Variants in C2orf15 observed in about 807,000 individuals in gnomAD.
The protein encoded by C2orf15 is chromosome 2 open reading frame 15, also known as uncharacterized protein C2orf15.
Under a neutral mutation model 4.4 loss-of-function variants are expected in C2orf15, and 3 were observed. The observed-to-expected ratio is 0.67, with a 90% confidence interval of 0.31 to 1.74. The LOEUF (loss-of-function observed/expected upper bound fraction) is 1.74, where lower values mean the gene tolerates loss of function less well. Ranked by LOEUF, C2orf15 falls within the 40% of genes most tolerant of loss-of-function variation. The pLI is 0.09. For missense variants in C2orf15, 90 were observed against 103.3 expected (o/e 0.87, Z 0.56); for synonymous variants, 37 against 36.8 (o/e 1.00, Z -0.02).
At position 99,150,845 on chromosome 2, in the gene C2orf15, AC is replaced by A. The variant is rs2093686840; in HGVS notation, c.*12del. ...ACAGATGTGGAATGAAGCAATTTGT[AC>A]GTATTACCAAAGAAACCAAAAACTG... On this transcript the variant is annotated 3_prime_UTR_variant, in exon 4 of 4. Transcript: ENST00000650052. 3.2e-6 allele frequency: 5 copies of A among 1,549,226 alleles called. No homozygotes were observed. The highest frequency in any genetic ancestry group is 4.4e-6 in the Non-Finnish European group (5 of 1,148,524).
intron 2 of C2orf15, among the ~76,000 whole-genome samples, chr2:99,145,386 T>C (rs755613575): frequency 2.0e-5 from 3 of 151,912 alleles, no homozygotes; most frequent in Non-Finnish European, 4.4e-5. Context: ...GGCAAAACCC[T>C]GTCTCTCCCC....
Position 99,144,964 on chromosome 2 carries a change from T to A in C2orf15, c.-168-2438T>A, listed in dbSNP as rs115261388. Among the ~76,000 whole-genome samples, 874 of 152,328 alleles carry A rather than the reference T, an allele frequency of 5.7e-3. 10 individuals are homozygous for A. Among genetic ancestry groups the A allele is most frequent in the African/African-American group, 0.02 (837 of 41,560 alleles). ...TGCTAGTAGAGTTGTTTGCTACGGCTGTGCAACAATTTACCACACACTTGG... is the reference window on the plus strand; with the variant it reads ...TGCTAGTAGAGTTGTTTGCTACGGCAGTGCAACAATTTACCACACACTTGG... On this transcript the variant is annotated intron_variant, in intron 2 of 3. Transcript: ENST00000650052.
rs1333333643 is a variant in C2orf15, at chr2:99,150,429, G to C, written c.-76-54G>C. 8 of 1,009,180 alleles carry C rather than the reference G, an allele frequency of 7.9e-6. No individual in the cohort carries two copies. In the East Asian group the frequency reaches 1.9e-4, roughly 24 times the overall value. The allele number at this position is 1,009,180 out of a possible 1,614,324, so 62.5% of individuals were successfully genotyped here. A position where few individuals can be genotyped will look rare whatever the true frequency, so the allele number is the denominator to read the frequency against. ...TTTTCATTCAAACAAACATTGCCAT[G>C]AAGTTAGGGAAATTCCTGCTGCATT... is the stretch of plus-strand genomic sequence containing the variant. On this transcript the variant is annotated intron_variant, in intron 3 of 3. Coordinates refer to ENST00000650052, the MANE Select transcript of C2orf15 (RefSeq NM_144706.4).
rs1047621120 is a variant in C2orf15 at position 99,151,169 on chromosome 2, A to G, written c.*335A>G. 3.4e-5 allele frequency: 6 copies of G among 175,798 alleles called. No individual in the cohort carries two copies. Among genetic ancestry groups the G allele is most frequent in the African/African-American group, 1.4e-4 (6 of 42,004 alleles). The allele number at this position is 175,798 out of a possible 1,614,324, so 10.9% of individuals were successfully genotyped here. ...ATTTCTTTAACAAGTGGTTAAAAAAAGTGTCCAAGCAGCCGGGCGCAGTGG... is the reference window on the plus strand; with the variant it reads ...ATTTCTTTAACAAGTGGTTAAAAAAGGTGTCCAAGCAGCCGGGCGCAGTGG... On this transcript the variant is annotated 3_prime_UTR_variant, in exon 4 of 4. Coordinates refer to ENST00000650052, the MANE Select transcript of C2orf15 (RefSeq NM_144706.4).
At chr2:99,145,064 A>G (rs2093618581) in intron 2 of C2orf15, among the ~76,000 whole-genome samples, 1 of 152,210 alleles carries the variant, frequency 6.6e-6, no homozygotes, top group Non-Finnish European at 1.5e-5. Context: ...TCACTGGGCT[A>G]AAATCAAGAT....
intron 3 of C2orf15, among the ~76,000 whole-genome samples, chr2:99,147,960 T>C (rs1457227716): frequency 1.3e-5 from 2 of 152,228 alleles, no homozygotes; most frequent in African/African-American, 4.8e-5. Context: ...CCAATATTAT[T>C]ATCTAATATT....
At chr2:99,149,835 C>T (rs1445489114) in intron 3 of C2orf15, among the ~76,000 whole-genome samples, 1 of 146,406 alleles carries the variant, frequency 6.8e-6, no homozygotes, top group Non-Finnish European at 1.5e-5. Context: ...TCTTGTCGCC[C>T]AGGCTGGAGT....
rs1041351438 is a variant in C2orf15, at chr2:99,148,992, TAAATAA to T, written c.-76-1473_-76-1468del. On this transcript the variant is annotated intron_variant, in intron 3 of 3. Coordinates refer to ENST00000650052, the MANE Select transcript of C2orf15 (RefSeq NM_144706.4). Reference sequence around the variant, plus strand: ...AATAAAATATAGACTGGAAAAAAAATAAATAAAAATAAAAATAAAAATACAAACATT... The same window carrying T: ...AATAAAATATAGACTGGAAAAAAAATAAATAAAAATAAAAATACAAACATT... 3.4e-4 allele frequency among the ~76,000 whole-genome samples: 51 copies of T among 151,316 alleles called. 1 individual carries two copies. The highest frequency in any genetic ancestry group is 2.2e-3 in the Admixed American group (33 of 15,194).
At position 99,148,513 on chromosome 2, in the gene C2orf15, T is replaced by C. The variant is rs143630727; in HGVS notation, c.-77+1020T>C. Among the ~76,000 whole-genome samples, 1,232 of 152,348 alleles carry C rather than the reference T, an allele frequency of 8.1e-3. 47 individuals carry two copies. Among genetic ancestry groups the C allele is most frequent in the Admixed American group, 0.072 (1,104 of 15,302 alleles). On this transcript the variant is annotated intron_variant, in intron 3 of 3. Transcript: ENST00000650052. ...TAGGCTACTACAGTAGACCCAGGAC[T>C]CTGTTTTGTTATAAACACTGATATT...
intron 2 of C2orf15, among the ~76,000 whole-genome samples, chr2:99,144,628 G>A (rs932415618): frequency 2.3e-4 from 14 of 60,862 alleles, no homozygotes; most frequent in Non-Finnish European, 4.6e-4. Context: ...CAGCCTGGGG[G>A]ACAAGAACAA....
intron 3 of C2orf15, among the ~76,000 whole-genome samples, chr2:99,147,853 A>T (rs371185052): frequency 1.1e-3 from 164 of 152,140 alleles, no homozygotes; most frequent in African/African-American, 3.8e-3. Context: ...ACAATTCTTC[A>T]CCCCTAACTA....
chr2:99,149,136 C>T (rs1198092203), intron 3 of C2orf15, among the ~76,000 whole-genome samples: 3 of 149,722 alleles, frequency 2.0e-5, no homozygotes, highest in Non-Finnish European at 4.4e-5. Context: ...CACCACTTCA[C>T]TCCAGCCTGG....
chr2:99,150,530 A>G lies in C2orf15; in HGVS notation c.-29A>G, dbSNP rs1331660727. 6.2e-7 allele frequency: 1 copy of G among 1,602,840 alleles called. No homozygotes were observed. The highest frequency in any genetic ancestry group is 1.1e-5 in the South Asian group (1 of 87,934). On this transcript the variant is annotated 5_prime_UTR_variant, in exon 4 of 4. Transcript: ENST00000650052. ...CCACTACTTAAAAAGGTACCTGCAAATTACTTTCACATTTGTTCAGCTATC... is the reference window on the plus strand; with the variant it reads ...CCACTACTTAAAAAGGTACCTGCAAGTTACTTTCACATTTGTTCAGCTATC...
intron 2 of C2orf15, among the ~76,000 whole-genome samples, chr2:99,144,383 A>G (rs2093610376): frequency 6.6e-6 from 1 of 151,996 alleles, no homozygotes; most frequent in Non-Finnish European, 1.5e-5. Flanking sequence ...GTTCCAGGCA[A>G]TGTCCATTCA....
At chr2:99,144,146 G>A (rs1297742396) in intron 2 of C2orf15, among the ~76,000 whole-genome samples, 4 of 151,938 alleles carry the variant, frequency 2.6e-5, no homozygotes, top group African/African-American at 4.8e-5. Context: ...TCAGCCTCCC[G>A]AGCAGCTGGG....
chr2:99,150,731 C>T lies in C2orf15; in HGVS notation c.173C>T (p.Thr58Ile), dbSNP rs2093685188. The stretch of plus-strand genomic sequence containing the variant: ...GAAGACACAAATCAAGAAAACTTTA[C>T]AAGGATTGAAGGGACTGGCACAGGA... ...RLEDTNQENF[T>I]RIEGTGTGSL... The change falls in exon 4 of 4, where the codon ACA (threonine) becomes ATA (isoleucine). Residue 58 changes from threonine to isoleucine, a missense_variant. By Grantham distance (89) the Thr-to-Ile change is moderately conservative. Transcript: ENST00000650052. 1.2e-6 allele frequency: 2 copies of T among 1,613,856 alleles called. No homozygotes were observed. Among genetic ancestry groups the T allele is most frequent in the African/African-American group, 2.7e-5 (2 of 74,872 alleles).
intron 3 of C2orf15, among the ~76,000 whole-genome samples, chr2:99,148,962 CAATA>C (rs1399320913): frequency 6.6e-6 from 1 of 151,320 alleles, no homozygotes; most frequent in Non-Finnish European, 1.5e-5. Context: ...TATTTTACCA[CAATA>C]AATAAAATAT....
intron 3 of C2orf15, 40 bp from the exon 4 acceptor site, chr2:99,150,443 T>A: frequency 8.6e-7 from 1 of 1,165,618 alleles, no homozygotes. Context: ...TTAGGGAAAT[T>A]CCTGCTGCAT....
rs186553142 is a variant in C2orf15, at chr2:99,147,286, C to A, written c.-168-116C>A. On this transcript the variant is annotated intron_variant, in intron 2 of 3. Coordinates refer to ENST00000650052, the MANE Select transcript of C2orf15 (RefSeq NM_144706.4). The stretch of plus-strand genomic sequence containing the variant: ...AAAGTGCTGGAATTACAGGCGTGAG[C>A]CATTGTGCCCAGCCGCGTAGCCTAT... The A allele has an allele frequency of 2.7e-4, 147 of 537,544 alleles. No homozygotes were observed. The East Asian group carries it at 4.3e-3, about 16-fold the overall frequency. 33.3% of individuals were successfully genotyped at this position (537,544 alleles called of 1,614,324 possible). A position where few individuals can be genotyped will look rare whatever the true frequency, so the allele number is the denominator to read the frequency against.
Sources: gnomAD v4.1 joint callset for allele counts (sites outside exome capture counted in the v4.1 genomes callset) on GRCh38, gnomAD v4.1.1 for gene constraint, MANE v1.5 for transcripts, NCBI Gene and HGNC (gene_info 2026-07-23, HGNC 2026-07-21) for gene names.